The following CCDC90B variants were observed in gnomAD, a reference collection of about 807,000 sequenced individuals.
CCDC90B encodes coiled-coil domain-containing protein 90B, mitochondrial.
Under a neutral mutation model 37.0 loss-of-function variants are expected in CCDC90B, and 24 were observed. The observed-to-expected ratio is 0.65, with a 90% confidence interval of 0.47 to 0.91. The LOEUF (loss-of-function observed/expected upper bound fraction) is 0.91, where lower values mean the gene tolerates loss of function less well. Among genes scored for constraint, CCDC90B ranks in the 40% least tolerant of loss-of-function variants. The pLI is 0.00. For synonymous variants in CCDC90B, 113 were observed against 101.1 expected, an observed-to-expected ratio of 1.12 and a Z score of -0.71; for missense variants, 319 against 299.0, an observed-to-expected ratio of 1.07 and a Z score of -0.49.
chr11:83,285,738 T>A, intron 1 of CCDC90B, 135 bp downstream of exon 1: 1 of 1,448,222 alleles, frequency 6.9e-7, no homozygotes, highest in Non-Finnish European at 9.0e-7. Flanking sequence ...GGCAGCGGCG[T>A]CGCCCAGCAC....
At chr11:83,262,768 CT>C (rs1864000779) in intron 8 of CCDC90B, among the ~76,000 whole-genome samples, 1 of 152,156 alleles carries the variant, frequency 6.6e-6, no homozygotes, top group African/African-American at 2.4e-5. Flanking sequence ...CTTACTGAAA[CT>C]TGGTTAATGA....
chr11:83,273,785 A>G lies in CCDC90B; in HGVS notation c.540+8T>C. On this transcript the variant is annotated splice_region_variant and intron_variant, in intron 6 of 8. Coordinates refer to ENST00000529689, the MANE Select transcript of CCDC90B (RefSeq NM_021825.5). The stretch of plus-strand genomic sequence containing the variant: ...GTAACCAAGAAAGTACATTTAAAAG[A>G]ACATTACCATATCTGTTACTCTGCT... 1 of 1,606,454 alleles carries G rather than the reference A, an allele frequency of 6.2e-7. No homozygotes were observed. Among genetic ancestry groups the G allele is most frequent in the South Asian group, 1.1e-5 (1 of 89,514 alleles).
At chr11:83,265,475 A>G (rs915002231) in intron 8 of CCDC90B, among the ~76,000 whole-genome samples, 6 of 151,716 alleles carry the variant, frequency 4.0e-5, no homozygotes, top group Non-Finnish European at 8.8e-5. Context: ...GCTTGTGTTT[A>G]TATATTTCTT....
At chr11:83,271,200 G>A in intron 7 of CCDC90B, among the ~76,000 whole-genome samples, 1 of 152,166 alleles carries the variant, frequency 6.6e-6, no homozygotes, top group Admixed American at 6.5e-5. Flanking sequence ...ATTCCATTCA[G>A]GACATAGGCA....
chr11:83,274,143 T>A, intron 4 of CCDC90B, 151 bp from the exon 5 acceptor site: 1 of 452,236 alleles, frequency 2.2e-6, no homozygotes, highest in Non-Finnish European at 3.8e-6. Context: ...AAGAAACTAG[T>A]AAGCCACTGT....
At chr11:83,281,374 T>G (rs958646267) in intron 1 of CCDC90B, among the ~76,000 whole-genome samples, 1 of 152,166 alleles carries the variant, frequency 6.6e-6, no homozygotes, top group Non-Finnish European at 1.5e-5. Context: ...CAGACATAAA[T>G]GATATTCTCA....
Position 83,273,963 on chromosome 11 carries a change from CT to C in CCDC90B, c.455del (p.Lys152SerfsTer4), listed in dbSNP as rs760034134. ...EKMKIELDQV[K>X]QQLMHETSRI... ...AAAATTCACTTACCATTAGTTGTTG[CT>C]TAACTTGGTCTAATTCAATTTTCAT... On this transcript the variant is annotated frameshift_variant, in exon 5 of 9. Coordinates refer to ENST00000529689, the MANE Select transcript of CCDC90B (RefSeq NM_021825.5). LOFTEE classifies it high-confidence loss of function. 1 of 1,586,358 alleles carries C rather than the reference CT, an allele frequency of 6.3e-7. No individual in the cohort carries two copies. The highest frequency in any genetic ancestry group is 8.6e-7 in the Non-Finnish European group (1 of 1,167,838).
intron 7 of CCDC90B, chr11:83,267,313 C>G (rs636067): frequency 6.6e-6 from 1 of 152,184 alleles, no homozygotes; most frequent in Non-Finnish European, 1.5e-5. Context: ...ATAACAAACT[C>G]CTCCAAGGTA....
intron 2 of CCDC90B, 53 bp downstream of exon 2, chr11:83,280,088 G>T: frequency 1.3e-6 from 2 of 1,567,226 alleles, no homozygotes; most frequent in South Asian, 1.2e-5. Context: ...TCTTAACTAG[G>T]CATTATGAGT....
chr11:83,275,690 A>G (rs997130656), intron 3 of CCDC90B, among the ~76,000 whole-genome samples: 1 of 152,192 alleles, frequency 6.6e-6, no homozygotes. Context: ...AGGACTCTGT[A>G]TAACAGTTTA....
rs139329797 is a variant in CCDC90B, at chr11:83,268,719, G to C, written c.595-2740C>G. 7.2e-3 allele frequency among the ~76,000 whole-genome samples: 1,092 copies of C among 152,228 alleles called. 12 individuals carry two copies. Among genetic ancestry groups the C allele is most frequent in the African/African-American group, 0.025 (1,042 of 41,540 alleles). On this transcript the variant is annotated intron_variant, in intron 7 of 8. Transcript: ENST00000529689. ...ATCAACGAGACAGAAGGTTAACAAG[G>C]ATATCCAGGACTTGAACTCAGCTCT...
At chr11:83,262,261 A>G (rs1453266432) in intron 8 of CCDC90B, among the ~76,000 whole-genome samples, 1 of 152,178 alleles carries the variant, frequency 6.6e-6, no homozygotes, top group African/African-American at 2.4e-5. Flanking sequence ...TTAAATAATT[A>G]TAAGCTCTAA....
At chr11:83,275,897 T>C (rs493681) in intron 3 of CCDC90B, among the ~76,000 whole-genome samples, 40,098 of 152,100 alleles carry the variant, frequency 0.26, 5,470 homozygotes, top group Middle Eastern at 0.41. Context: ...TGAGATTATG[T>C]ACATATAATG....
chr11:83,267,030 G>C (rs181895273), intron 7 of CCDC90B: 56 of 152,360 alleles, frequency 3.7e-4, no homozygotes, highest in East Asian at 1.2e-3. Context: ...CTGACTGTTA[G>C]AAGGAAAACT....
rs1301466680 is a variant in CCDC90B, at chr11:83,271,432, A to G, written c.594+2215T>C. Among the ~76,000 whole-genome samples, 3 of 152,218 alleles carry G rather than the reference A, an allele frequency of 2.0e-5. 1 individual carries two copies. The South Asian group carries it at 6.2e-4, about 32-fold the overall frequency. On this transcript the variant is annotated intron_variant, in intron 7 of 8. Coordinates refer to ENST00000529689, the MANE Select transcript of CCDC90B (RefSeq NM_021825.5). The stretch of plus-strand genomic sequence containing the variant: ...GAACTCAAATTTACAAGAAAAAACA[A>G]CCCCATCAAAAAGTGGGCAAAGGAT...
intron 2 of CCDC90B, 113 bp from the exon 3 acceptor site, chr11:83,278,942 T>C (rs1417601700): frequency 9.9e-6 from 6 of 607,396 alleles, no homozygotes; most frequent in Non-Finnish European, 1.7e-5. Context: ...AAATAATGGT[T>C]ACAATTAAAA....
chr11:83,262,689 T>C (rs967811796), intron 8 of CCDC90B, among the ~76,000 whole-genome samples: 1 of 152,156 alleles, frequency 6.6e-6, no homozygotes, highest in African/African-American at 2.4e-5. Context: ...CACAAGAAAT[T>C]AGCCTTTCAA....
rs897111619 is a variant in CCDC90B, at chr11:83,285,934, T to A, written c.39A>T (p.Gln13His). 1.2e-6 allele frequency: 2 copies of A among 1,613,250 alleles called. No individual in the cohort carries two copies. The highest frequency in any genetic ancestry group is 2.7e-5 in the African/African-American group (2 of 74,906). ...SRQAWRLFLS[Q>H]GRGDRWVSRP... is the part of the protein sequence containing the mutation. ...TTGAAACCCAACGATCTCCTCTGCC[T>A]TGGGAGAGAAAGAGCCGCCAAGCCT... Residue 13 changes from glutamine to histidine, a missense_variant, in exon 1 of 9, where the codon CAA (glutamine) becomes CAT (histidine). Coordinates refer to ENST00000529689, the MANE Select transcript of CCDC90B (RefSeq NM_021825.5).
chr11:83,265,450 CTTCT>C (rs755306469), intron 8 of CCDC90B, among the ~76,000 whole-genome samples: 1 of 151,812 alleles, frequency 6.6e-6, no homozygotes, highest in Non-Finnish European at 1.5e-5. Context: ...ACAGTTTATC[CTTCT>C]ATCATTTTCT....
Sources: gnomAD v4.1 joint callset for allele counts (sites outside exome capture counted in the v4.1 genomes callset) on GRCh38, gnomAD v4.1.1 for gene constraint, MANE v1.5 for transcripts, NCBI Gene and HGNC (gene_info 2026-07-23, HGNC 2026-07-21) for gene names.